SMOC1: variants seen among roughly 807,000 people sequenced by gnomAD.
SMOC1 encodes SPARC related modular calcium binding 1, also known as SPARC-related modular calcium-binding protein 1.
A neutral mutation model predicts 56.3 loss-of-function variants in SMOC1; 22 were observed. The ratio of observed to expected loss-of-function variants is 0.39; its 90% confidence interval spans 0.28 to 0.56. The LOEUF (loss-of-function observed/expected upper bound fraction) is 0.56. SMOC1 is among the 20% of genes least tolerant of loss of function. SMOC1 has a pLI of 0.61. For synonymous variants in SMOC1, 193 were observed against 215.0 expected, an observed-to-expected ratio of 0.90 and a Z score of 0.89; for missense variants, 509 against 565.4, an observed-to-expected ratio of 0.90 and a Z score of 1.01.
At chr14:69,916,013 T>C (rs1183876808) in intron 1 of SMOC1, among the ~76,000 whole-genome samples, 1 of 152,270 alleles carries the variant, frequency 6.6e-6, no homozygotes, top group Non-Finnish European at 1.5e-5. Flanking sequence ...TCTATGTCTC[T>C]AGTCTGGATA....
chr14:69,996,779 T>A (rs75515242), intron 7 of SMOC1, among the ~76,000 whole-genome samples: 6,560 of 152,298 alleles, frequency 0.043, 188 homozygotes, highest in Non-Finnish European at 0.068. Flanking sequence ...AACTTAGGAA[T>A]CTCCTACTCA....
chr14:69,912,498 C>A (rs61980627), intron 1 of SMOC1, among the ~76,000 whole-genome samples: 1 of 152,160 alleles, frequency 6.6e-6, no homozygotes, highest in Admixed American at 6.5e-5. Context: ...GCAGTCCTCC[C>A]GTGTTCAGCC....
chr14:70,020,960 A>G (rs1885700151), intron 10 of SMOC1, among the ~76,000 whole-genome samples: 1 of 152,112 alleles, frequency 6.6e-6, no homozygotes, highest in African/African-American at 2.4e-5. Flanking sequence ...CACGTGTTGG[A>G]GGGAGTGCGC....
intron 8 of SMOC1, 51 bp downstream of exon 8, chr14:70,010,997 C>A: frequency 6.3e-7 from 1 of 1,599,436 alleles, no homozygotes; most frequent in Non-Finnish European, 8.5e-7. Flanking sequence ...TGGCTGTTAT[C>A]CATGCTGGCA....
chr14:69,915,798 G>C (rs755032120), intron 1 of SMOC1, among the ~76,000 whole-genome samples: 32 of 152,154 alleles, frequency 2.1e-4, no homozygotes, highest in Non-Finnish European at 4.3e-4. Flanking sequence ...ACTTTCCTCA[G>C]TTTCTGGGAC....
intron 7 of SMOC1, among the ~76,000 whole-genome samples, chr14:69,999,970 C>CT (rs141796653): frequency 0.1 from 15,646 of 152,100 alleles, 964 homozygotes; most frequent in Non-Finnish European, 0.13. Context: ...AGTGTGTCTG[C>CT]TTTTTAATGT....
intron 3 of SMOC1, among the ~76,000 whole-genome samples, chr14:69,964,866 G>A (rs769942448): frequency 6.6e-6 from 1 of 152,094 alleles, no homozygotes; most frequent in African/African-American, 2.4e-5. Context: ...CAGTGTGCAA[G>A]TGGCAGAGTC....
At chr14:69,940,559 G>A (rs181687599) in intron 1 of SMOC1, among the ~76,000 whole-genome samples, 27 of 152,282 alleles carry the variant, frequency 1.8e-4, no homozygotes, top group Admixed American at 4.6e-4. Flanking sequence ...TCAGATGTGT[G>A]TGTCATTGGG....
At chr14:70,025,636 T>C (rs1251556670) in intron 11 of SMOC1, among the ~76,000 whole-genome samples, 1 of 152,258 alleles carries the variant, frequency 6.6e-6, no homozygotes, top group African/African-American at 2.4e-5. Context: ...TTTGGAACTT[T>C]TTCAGATTTT....
chr14:69,901,752 G>A (rs1884246822), intron 1 of SMOC1, among the ~76,000 whole-genome samples: 1 of 152,244 alleles, frequency 6.6e-6, no homozygotes. Context: ...AAGCTGTTCA[G>A]TGGTGCACAC....
At chr14:70,002,352 A>G (rs1262331172) in intron 7 of SMOC1, among the ~76,000 whole-genome samples, 1 of 152,162 alleles carries the variant, frequency 6.6e-6, no homozygotes, top group African/African-American at 2.4e-5. Flanking sequence ...TTCTGTTTCT[A>G]TTCTCCCCAT....
rs369154946 is a variant in SMOC1 at position 69,880,580 on chromosome 14, C to A, written c.99+803C>A. Among the ~76,000 whole-genome samples, 15 of 152,292 alleles carry A rather than the reference C, an allele frequency of 9.8e-5. No individual in the cohort carries two copies. The South Asian group carries it at 3.1e-3, about 32-fold the overall frequency. On this transcript the variant is annotated intron_variant, in intron 1 of 11. Coordinates refer to ENST00000361956, the MANE Select transcript of SMOC1 (RefSeq NM_001034852.3). The stretch of plus-strand genomic sequence containing the variant: ...GGTCTAGATTATCCCCGCAACACCC[C>A]CCACCAATTGGTCTAATAAAGAATT...
intron 5 of SMOC1, among the ~76,000 whole-genome samples, chr14:69,989,108 G>A (rs1884472961): frequency 6.6e-6 from 1 of 152,204 alleles, no homozygotes; most frequent in Non-Finnish European, 1.5e-5. Flanking sequence ...TAAAGAGACT[G>A]TCAAACTCCT....
Position 69,915,572 on chromosome 14 carries a change from A to G in SMOC1, c.99+35795A>G, listed in dbSNP as rs1179101366. Among the ~76,000 whole-genome samples, 3 of 152,024 alleles carry G rather than the reference A, an allele frequency of 2.0e-5. No homozygotes were observed. In the East Asian group the frequency reaches 5.8e-4, roughly 29 times the overall value. On this transcript the variant is annotated intron_variant, in intron 1 of 11. Transcript: ENST00000361956. ...GTCCTTGGCAGCAAAACTCCCTATAATGGTCTATACATGCTTTCCCTGATC... is the reference window on the plus strand; with the variant it reads ...GTCCTTGGCAGCAAAACTCCCTATAGTGGTCTATACATGCTTTCCCTGATC...
chr14:69,965,650 A>G (rs1182445735), intron 3 of SMOC1, among the ~76,000 whole-genome samples: 1 of 152,182 alleles, frequency 6.6e-6, no homozygotes, highest in African/African-American at 2.4e-5. Context: ...GACCAAGTGG[A>G]TATCCATCAG....
intron 1 of SMOC1, among the ~76,000 whole-genome samples, chr14:69,928,286 G>A (rs1594806877): frequency 6.6e-6 from 1 of 152,214 alleles, no homozygotes; most frequent in Non-Finnish European, 1.5e-5. Flanking sequence ...CAGCTATGCC[G>A]GGTCTGTGTG....
chr14:69,996,517 A>C (rs1884770538), intron 7 of SMOC1, among the ~76,000 whole-genome samples: 1 of 152,224 alleles, frequency 6.6e-6, no homozygotes, highest in African/African-American at 2.4e-5. Flanking sequence ...TCAGTTGATA[A>C]TCTTTGCTTC....
At chr14:69,978,124 G>T in intron 5 of SMOC1, 159 bp downstream of exon 5, 1 of 709,684 alleles carries the variant, frequency 1.4e-6, no homozygotes, top group Non-Finnish European at 2.6e-6. Context: ...AAGCACCCGA[G>T]GTAAGTAAGG....
intron 3 of SMOC1, among the ~76,000 whole-genome samples, chr14:69,963,793 A>T (rs563600673): frequency 2.6e-5 from 4 of 152,332 alleles, no homozygotes; most frequent in African/African-American, 9.6e-5. Context: ...TTTGTCAGTG[A>T]TGGCAAGAGC....
Sources: allele counts gnomAD v4.1 joint callset (sites outside exome capture counted in the v4.1 genomes callset), GRCh38; gene constraint gnomAD v4.1.1; transcripts MANE v1.5; gene names NCBI Gene and HGNC (gene_info 2026-07-23, HGNC 2026-07-21).